REL: variants seen among roughly 807,000 people sequenced by gnomAD.
The protein encoded by REL is proto-oncogene c-Rel.
A neutral mutation model predicts 45.9 loss-of-function variants in REL; 15 were observed. That is an observed-to-expected ratio of 0.33 (90% CI 0.22 to 0.50). The LOEUF (loss-of-function observed/expected upper bound fraction) is 0.50. REL is among the 20% of genes least tolerant of loss of function. The pLI is 0.98. For synonymous variants in REL, 239 were observed against 242.1 expected, an observed-to-expected ratio of 0.99 and a Z score of 0.12; for missense variants, 601 against 715.2, an observed-to-expected ratio of 0.84 and a Z score of 1.82.
chr2:60,908,743 CAATA>C (rs1673727505), intron 4 of REL, among the ~76,000 whole-genome samples: 4 of 152,122 alleles, frequency 2.6e-5, no homozygotes, highest in African/African-American at 9.7e-5. Context: ...TTGATTTTGA[CAATA>C]AAGAATTTGC....
intron 4 of REL, among the ~76,000 whole-genome samples, chr2:60,905,520 G>GT (rs1376087025): frequency 6.6e-6 from 1 of 152,116 alleles, no homozygotes; most frequent in African/African-American, 2.4e-5. Flanking sequence ...GATAGGGCTG[G>GT]TATGGGTCCT....
In REL at chr2:60,922,100, A is replaced by T. The variant is rs1674159040; in HGVS notation, c.1329A>T (p.Ser443=). 6.2e-7 allele frequency: 1 copy of T among 1,614,072 alleles called. No homozygotes were observed. The highest frequency in any genetic ancestry group is 8.5e-7 in the Non-Finnish European group (1 of 1,179,996). ...NADDIVGMEA[S]SMPSADLYGI... ...ATGACATAGTCGGAATGGAAGCGTC[A>T]TCCATGCCATCAGCAGATTTATATG... The change falls in exon 10 of 10, where the codon TCA becomes TCT. Residue 443 remains serine, a synonymous_variant. Coordinates refer to ENST00000394479, the MANE Select transcript of REL (RefSeq NM_001291746.2).
intron 2 of REL, 135 bp from the exon 3 acceptor site, chr2:60,894,262 C>T (rs1573318330): frequency 2.1e-6 from 1 of 474,686 alleles, no homozygotes; most frequent in African/African-American, 2.0e-5. Flanking sequence ...ATCTAAACTG[C>T]AGTTGTTCGT....
chr2:60,891,290 T>C (rs1673204358), intron 1 of REL, among the ~76,000 whole-genome samples: 1 of 152,222 alleles, frequency 6.6e-6, no homozygotes, highest in Non-Finnish European at 1.5e-5. Context: ...AGGAGTGTGA[T>C]ATTTTACTTC....
At chr2:60,896,561 A>C (rs1673357351) in intron 3 of REL, among the ~76,000 whole-genome samples, 1 of 152,214 alleles carries the variant, frequency 6.6e-6, no homozygotes. Flanking sequence ...CTCCACATAT[A>C]TTAGTAATAA....
chr2:60,921,499 A>G (rs1674139476), intron 9 of REL, among the ~76,000 whole-genome samples: 1 of 152,166 alleles, frequency 6.6e-6, no homozygotes, highest in Non-Finnish European at 1.5e-5. Flanking sequence ...TTTCATATTT[A>G]ATTGAAGTGA....
At chr2:60,899,195 G>A (rs1251322770) in intron 3 of REL, 1 of 152,192 alleles carries the variant, frequency 6.6e-6, no homozygotes, top group Non-Finnish European at 1.5e-5. Context: ...AAGAATTCAA[G>A]ATTTAGCTGA....
chr2:60,919,868 C>T lies in REL; in HGVS notation c.854-173C>T, dbSNP rs372371939. Among the ~76,000 whole-genome samples, 79 of 152,224 alleles carry T rather than the reference C, an allele frequency of 5.2e-4. No homozygotes were observed. The South Asian group carries it at 0.012, about 23-fold the overall frequency. ...CAATTTTTTACTAAGAGAAAAATAT[C>T]CTTTTCTACTGATACTACTGATTTG... is the stretch of plus-strand genomic sequence containing the variant. On this transcript the variant is annotated intron_variant, in intron 7 of 9. Transcript: ENST00000394479.
intron 1 of REL, among the ~76,000 whole-genome samples, chr2:60,883,844 C>CT (rs71402307): frequency 0.28 from 35,859 of 126,462 alleles, 5,306 homozygotes; most frequent in Non-Finnish European, 0.36. Flanking sequence ...GGGTGATTAA[C>CT]TTTTTTTTTT....
At position 60,926,969 on chromosome 2, in the gene REL, C is replaced by G. The variant is rs1007370001; in HGVS notation, c.*4434C>G. The G allele has an allele frequency of 4.4e-6, 1 of 227,440 alleles. No homozygotes were observed. The highest frequency in any genetic ancestry group is 8.7e-6 in the Non-Finnish European group (1 of 114,328). The allele number at this position is 227,440 out of a possible 1,614,324, so 14.1% of individuals were successfully genotyped here. ...TTGAAAAAAAACAATTCTCTCAGGC[C>G]TCCATACCTTTAGCATGTTACCCAC... On this transcript the variant is annotated 3_prime_UTR_variant, in exon 10 of 10. Coordinates refer to ENST00000394479, the MANE Select transcript of REL (RefSeq NM_001291746.2).
Position 60,924,159 on chromosome 2 carries a change from C to G in REL, c.*1624C>G, listed in dbSNP as rs757307271. 8.7e-6 allele frequency: 2 copies of G among 230,764 alleles called. No individual in the cohort carries two copies. Among genetic ancestry groups the G allele is most frequent in the Non-Finnish European group, 1.7e-5 (2 of 116,520 alleles). The allele number at this position is 230,764 out of a possible 1,614,324, so 14.3% of individuals were successfully genotyped here. On this transcript the variant is annotated 3_prime_UTR_variant, in exon 10 of 10. Transcript: ENST00000394479. ...AGGTGTCACTCCACTGTTACCTGAG[C>G]AGGTCGTCCTTGAATATATACATCA...
chr2:60,884,095 T>C (rs1673013666), intron 1 of REL, among the ~76,000 whole-genome samples: 1 of 142,248 alleles, frequency 7.0e-6, no homozygotes, highest in Non-Finnish European at 1.5e-5. Context: ...ACCGGAAGAG[T>C]GACCAAAAAA....
rs553524607 is a variant in REL at position 60,916,101 on chromosome 2, A to T, written c.395-776A>T. On this transcript the variant is annotated intron_variant, in intron 4 of 9. Transcript: ENST00000394479. ...ACCCTGTCACTGTGAAACTTTGGGCAAGTAATTCATCTCTTTACAGTCAGT... is the reference window on the plus strand; with the variant it reads ...ACCCTGTCACTGTGAAACTTTGGGCTAGTAATTCATCTCTTTACAGTCAGT... 2.4e-4 allele frequency among the ~76,000 whole-genome samples: 36 copies of T among 152,344 alleles called. No homozygotes were observed. The South Asian group carries it at 7.5e-3, about 32-fold the overall frequency.
rs1458254377 is a variant in REL, at chr2:60,926,007, T to A, written c.*3472T>A. The A allele has an allele frequency of 4.4e-6, 1 of 227,720 alleles. No individual in the cohort carries two copies. The highest frequency in any genetic ancestry group is 2.2e-5 in the African/African-American group (1 of 45,006). 14.1% of individuals were successfully genotyped at this position (227,720 alleles called of 1,614,324 possible). On this transcript the variant is annotated 3_prime_UTR_variant, in exon 10 of 10. Transcript: ENST00000394479. Reference sequence around the variant, plus strand: ...TGCTATTTTTTGACCCTGTATAGACTTTAATTTAAAATGAATTTGGTAACG... The same window carrying A: ...TGCTATTTTTTGACCCTGTATAGACATTAATTTAAAATGAATTTGGTAACG...
Position 60,918,595 on chromosome 2 carries a change from C to T in REL, c.842C>T (p.Pro281Leu), listed in dbSNP as rs1272049121. The change falls in exon 7 of 10, where the codon CCA becomes CTA. Residue 281 changes from proline (P) to leucine (L), a missense_variant. By Grantham distance (98) the Pro-to-Leu change is moderately conservative. Coordinates refer to ENST00000394479, the MANE Select transcript of REL (RefSeq NM_001291746.2). ...GAATCTATGGATTTTAGATATCTGC[C>T]AGATGAAAAAGGTATGACATTTTGC... Reference protein sequence around the residue: ...VSESMDFRYLPDEKDTYGNKA... With the variant: ...VSESMDFRYLLDEKDTYGNKA... The T allele has an allele frequency of 3.7e-6, 6 of 1,610,218 alleles. No individual in the cohort carries two copies. Among genetic ancestry groups the T allele is most frequent in the African/African-American group, 2.7e-5 (2 of 74,798 alleles).
chr2:60,926,223 C>T lies in REL; in HGVS notation c.*3688C>T, dbSNP rs1573352734. On this transcript the variant is annotated 3_prime_UTR_variant, in exon 10 of 10. Transcript: ENST00000394479. ...TTCTTTGTATAAACATGGTAAATGTCTTCATTAGCCTAAAAGGAAAGACCA... is the reference window on the plus strand; with the variant it reads ...TTCTTTGTATAAACATGGTAAATGTTTTCATTAGCCTAAAAGGAAAGACCA... 8.7e-6 allele frequency: 2 copies of T among 230,916 alleles called. No individual in the cohort carries two copies. Among genetic ancestry groups the T allele is most frequent in the East Asian group, 6.1e-5 (1 of 16,406 alleles). The allele number at this position is 230,916 out of a possible 1,614,324, so 14.3% of individuals were successfully genotyped here.
rs1674150402 is a variant in REL, at chr2:60,921,892, C to T, written c.1121C>T (p.Pro374Leu). The stretch of plus-strand genomic sequence containing the variant: ...TTGTCACATCATGCCTCAATGGCAC[C>T]TCTGCCTTCTTCAAGCTGGTCATCA... ...SGLSHHASMAPLPSSSWSSVA... is the reference protein window; with the variant it reads ...SGLSHHASMALLPSSSWSSVA... Residue 374 changes from proline (P) to leucine (L), a missense_variant, in exon 10 of 10, where the codon CCT becomes CTT. Pro to Leu is a moderately conservative substitution (Grantham distance 98). Transcript: ENST00000394479. 6.2e-7 allele frequency: 1 copy of T among 1,614,130 alleles called. No individual in the cohort carries two copies. Among genetic ancestry groups the T allele is most frequent in the South Asian group, 1.1e-5 (1 of 91,088 alleles).
chr2:60,886,545 T>A (rs1459901334), intron 1 of REL, among the ~76,000 whole-genome samples: 1 of 152,144 alleles, frequency 6.6e-6, no homozygotes, highest in Non-Finnish European at 1.5e-5. Context: ...GGATAATAAT[T>A]TCTATTATTT....
chr2:60,923,823 G>A lies in REL; in HGVS notation c.*1288G>A. On this transcript the variant is annotated 3_prime_UTR_variant, in exon 10 of 10. Coordinates refer to ENST00000394479, the MANE Select transcript of REL (RefSeq NM_001291746.2). ...TTATATCCTTGCATTCCTACAGTCTGTTCCCCATAAAGTAGCCAGAATGAT... is the reference window on the plus strand; with the variant it reads ...TTATATCCTTGCATTCCTACAGTCTATTCCCCATAAAGTAGCCAGAATGAT... 1 of 232,936 alleles carries A rather than the reference G, an allele frequency of 4.3e-6. No individual in the cohort carries two copies. The highest frequency in any genetic ancestry group is 8.5e-6 in the Non-Finnish European group (1 of 117,866). The allele number at this position is 232,936 out of a possible 1,614,324, so 14.4% of individuals were successfully genotyped here.
Sources: allele counts gnomAD v4.1 joint callset (sites outside exome capture counted in the v4.1 genomes callset), GRCh38; gene constraint gnomAD v4.1.1; transcripts MANE v1.5; gene names NCBI Gene and HGNC (gene_info 2026-07-23, HGNC 2026-07-21).